LAMC2: variants seen among roughly 807,000 people sequenced by gnomAD.
LAMC2 encodes the protein laminin subunit gamma-2.
LAMC2 carries 97 observed loss-of-function variants against 140.2 expected under a neutral mutation model. That is an observed-to-expected ratio of 0.69 (90% CI 0.59 to 0.82). LAMC2 has a LOEUF of 0.82. Ranked by LOEUF, LAMC2 falls within the 40% of genes least tolerant of loss-of-function variation. The probability of loss-of-function intolerance (pLI) is 0.00; values close to 1 mark genes in which losing one functional copy is unlikely to be tolerated. For synonymous variants in LAMC2, 513 were observed against 540.2 expected, an observed-to-expected ratio of 0.95 and a Z score of 0.70; for missense variants, 1,402 against 1,476.1, an observed-to-expected ratio of 0.95 and a Z score of 0.82.
At position 183,205,802 on chromosome 1, in the gene LAMC2, G is replaced by T. The variant is rs558025690; in HGVS notation, c.80-2079G>T. On this transcript the variant is annotated intron_variant, in intron 1 of 22. Coordinates refer to ENST00000264144, the MANE Select transcript of LAMC2 (RefSeq NM_005562.3). The stretch of plus-strand genomic sequence containing the variant: ...AATAAAAGAATAAAAAGAGAGTAGG[G>T]GTGTGTGTGTGTGTGTGTCTGTGTG... Among the ~76,000 whole-genome samples, 25 of 150,784 alleles carry T rather than the reference G, an allele frequency of 1.7e-4. No homozygotes were observed. In the South Asian group the frequency reaches 5.1e-3, roughly 31 times the overall value.
chr1:183,193,991 C>T (rs1476636920), intron 1 of LAMC2, among the ~76,000 whole-genome samples: 2 of 152,146 alleles, frequency 1.3e-5, no homozygotes, highest in Non-Finnish European at 2.9e-5. Flanking sequence ...GGCTGGAGTG[C>T]AGTGGTGCAA....
rs763323669 is a variant in LAMC2 at position 183,236,448 on chromosome 1, C to A, written c.2457-12C>A. Reference sequence around the variant, plus strand: ...CTTTTTATTACCGCCCCCTCCCCACCCCCAACACCAGATTGGAGAAAACCA... The same window carrying A: ...CTTTTTATTACCGCCCCCTCCCCACACCCAACACCAGATTGGAGAAAACCA... On this transcript the variant is annotated splice_polypyrimidine_tract_variant and intron_variant, in intron 16 of 22. Transcript: ENST00000264144. 2 of 1,613,468 alleles carry A rather than the reference C, an allele frequency of 1.2e-6. No homozygotes were observed. The highest frequency in any genetic ancestry group is 1.7e-6 in the Non-Finnish European group (2 of 1,179,786).
Position 183,228,276 on chromosome 1 carries a change from C to G in LAMC2, c.1469-98C>G, listed in dbSNP as rs1558093364. ...GGGGTCCCTAGGGAAGCACATTTCT[C>G]TGGCTCTTCTAGAGGGTGACTCGCA... On this transcript the variant is annotated intron_variant, in intron 10 of 22. Coordinates refer to ENST00000264144, the MANE Select transcript of LAMC2 (RefSeq NM_005562.3). This position sits in a 1 kb window ranked among gnomAD's most constrained non-coding sequence, Gnocchi z 4.3. The G allele has an allele frequency of 1.3e-6, 2 of 1,520,704 alleles. No individual in the cohort carries two copies. Among genetic ancestry groups the G allele is most frequent in the East Asian group, 4.5e-5 (2 of 44,322 alleles). 94.2% of individuals were successfully genotyped at this position (1,520,704 alleles called of 1,614,324 possible).
rs536483830 is a variant in LAMC2 at position 183,244,386 on chromosome 1, T to A, written c.*986T>A. Reference sequence around the variant, plus strand: ...TGGGTCACATCCATCCCTCCATTCATCCTTCCATCCATCTTTCCATCCATT... The same window carrying A: ...TGGGTCACATCCATCCCTCCATTCAACCTTCCATCCATCTTTCCATCCATT... On this transcript the variant is annotated 3_prime_UTR_variant, in exon 23 of 23. Coordinates refer to ENST00000264144, the MANE Select transcript of LAMC2 (RefSeq NM_005562.3). 7.9e-5 allele frequency: 12 copies of A among 152,308 alleles called. No individual in the cohort carries two copies. The East Asian group carries it at 1.5e-3, about 20-fold the overall frequency. The allele number at this position is 152,308 out of a possible 1,614,324, so 9.4% of individuals were successfully genotyped here.
the LAMC2 span, chr1:183,250,981 C>T: frequency 2.6e-5 from 4 of 152,140 alleles, no homozygotes; most frequent in Non-Finnish European, 4.4e-5. Context: ...TTCTCAAAGA[C>T]CAGAATCCCA....
chr1:183,257,629 C>G, the LAMC2 span, among the ~76,000 whole-genome samples: 4 of 152,110 alleles, frequency 2.6e-5, no homozygotes, highest in African/African-American at 9.7e-5. Flanking sequence ...TTTATCCCTG[C>G]CCTCTAGGTT....
At chr1:183,235,866 G>C in intron 16 of LAMC2, 136 bp downstream of exon 16, 1 of 842,070 alleles carries the variant, frequency 1.2e-6, no homozygotes, top group Non-Finnish European at 1.9e-6. Flanking sequence ...CGAAATCATG[G>C]GAGTTTTACT....
At chr1:183,248,796 T>G (rs543993836), downstream of LAMC2, 1 of 152,118 alleles carries the variant, frequency 6.6e-6, no homozygotes, top group African/African-American at 2.4e-5. Context: ...TTGGGAGAGA[T>G]CCTGAGCTTT....
At chr1:183,188,355 A>T (rs185871523) in intron 1 of LAMC2, among the ~76,000 whole-genome samples, 89 of 152,318 alleles carry the variant, frequency 5.8e-4, no homozygotes, top group African/African-American at 2.0e-3. Flanking sequence ...ACCGTGTCTG[A>T]GTGTCCTGTG....
chr1:183,207,994 T>A lies in LAMC2; in HGVS notation c.193T>A (p.Cys65Ser). ...NCNDNTDGIH[C>S]EKCKNGFYRH... The stretch of plus-strand genomic sequence containing the variant: ...CAATGACAACACTGATGGCATTCAC[T>A]GCGAGAAGTGCAAGAATGGCTTTTA... The change falls in exon 2 of 23, where the codon TGC becomes AGC. Residue 65 changes from cysteine to serine, a missense_variant. Physicochemically the swap from Cys to Ser is moderately radical, Grantham distance 112 (BLOSUM62 -1). Coordinates refer to ENST00000264144, the MANE Select transcript of LAMC2 (RefSeq NM_005562.3). The A allele has an allele frequency of 6.2e-7, 1 of 1,614,138 alleles. No individual in the cohort carries two copies. The highest frequency in any genetic ancestry group is 8.5e-7 in the Non-Finnish European group (1 of 1,180,008).
chr1:183,245,414 T>C (rs951893338), downstream of LAMC2, among the ~76,000 whole-genome samples: 1 of 152,248 alleles, frequency 6.6e-6, no homozygotes, highest in Non-Finnish European at 1.5e-5. Context: ...TTACACATTC[T>C]ACAGATCTCT....
chr1:183,211,034 A>ATG (rs1659052414), intron 2 of LAMC2, among the ~76,000 whole-genome samples: 2 of 152,380 alleles, frequency 1.3e-5, no homozygotes, highest in South Asian at 4.1e-4. Flanking sequence ...GCAAAATAAC[A>ATG]TGTCTTACAA....
At chr1:183,188,865 CG>C (rs1658237438) in intron 1 of LAMC2, among the ~76,000 whole-genome samples, 1 of 152,134 alleles carries the variant, frequency 6.6e-6, no homozygotes, top group South Asian at 2.1e-4. Flanking sequence ...ATACTAGAAA[CG>C]TAGCCACCAA....
Position 183,235,627 on chromosome 1 carries a change from T to A in LAMC2, c.2353T>A (p.Tyr785Asn). The A allele has an allele frequency of 6.2e-7, 1 of 1,614,248 alleles. No homozygotes were observed. Among genetic ancestry groups the A allele is most frequent in the Non-Finnish European group, 8.5e-7 (1 of 1,180,034 alleles). Residue 785 changes from tyrosine to asparagine, a missense_variant, in exon 16 of 23, where the codon TAT becomes AAT. Transcript: ENST00000264144. ...GCAACTGACAAGGGAAACTGAGGAC[T>A]ATTCCAAACAAGCCCTCTCACTGGT... is the stretch of plus-strand genomic sequence containing the variant. ...MEQLTRETED[Y>N]SKQALSLVRK...
Position 183,239,851 on chromosome 1 carries a change from C to A in LAMC2, c.3070-189C>A. The A allele has an allele frequency of 4.2e-6, 3 of 710,032 alleles. No homozygotes were observed. The South Asian group carries it at 5.0e-5, about 12-fold the overall frequency. The allele number at this position is 710,032 out of a possible 1,614,324, so 44.0% of individuals were successfully genotyped here. ...GCCGCTGACCTTCCTAGTCATACCC[C>A]CAGATTAGCTTGTTTGAGGCAGAGC... On this transcript the variant is annotated intron_variant, in intron 20 of 22. Transcript: ENST00000264144.
intron 4 of LAMC2, among the ~76,000 whole-genome samples, chr1:183,218,853 C>T (rs1659370773): frequency 6.6e-6 from 1 of 152,202 alleles, no homozygotes; most frequent in African/African-American, 2.4e-5. Context: ...GCAGGAAAGG[C>T]CTGGCCTAAT....
rs1183095639 is a variant in LAMC2, at chr1:183,230,950, TTTGTCTC to T, written c.1715-9_1715-3del. On this transcript the variant is annotated splice_region_variant and splice_polypyrimidine_tract_variant and intron_variant, in intron 11 of 22. Transcript: ENST00000264144. ...TTTGATGTGAATGCTCCATTTGTCT[TTTGTCTC>T]TAGCTTGCAACTGTAACCCCATGGG... 2 of 1,614,036 alleles carry T rather than the reference TTTGTCTC, an allele frequency of 1.2e-6. No homozygotes were observed. Among genetic ancestry groups the T allele is most frequent in the African/African-American group, 2.7e-5 (2 of 74,932 alleles).
At chr1:183,189,277 T>C (rs983587031) in intron 1 of LAMC2, among the ~76,000 whole-genome samples, 11 of 152,118 alleles carry the variant, frequency 7.2e-5, no homozygotes, top group Non-Finnish European at 1.3e-4. Context: ...AGTGATGCCA[T>C]TAAAGGATGA....
intron 6 of LAMC2, among the ~76,000 whole-genome samples, chr1:183,222,630 G>C (rs935770259): frequency 6.6e-6 from 1 of 151,538 alleles, no homozygotes; most frequent in African/African-American, 2.4e-5. Flanking sequence ...TGGTGGAAAA[G>C]CGCTGGCTAG....
Sources: gnomAD v4.1 joint callset for allele counts (sites outside exome capture counted in the v4.1 genomes callset) on GRCh38, gnomAD v4.1.1 for gene constraint, Gnocchi (gnomAD v3.1) non-coding constraint, MANE v1.5 for transcripts, NCBI Gene and HGNC (gene_info 2026-07-23, HGNC 2026-07-21) for gene names.